Variants in MED12L observed in about 807,000 individuals in gnomAD.
MED12L encodes the protein mediator of RNA polymerase II transcription subunit 12-like protein.
Under a neutral mutation model 281.3 loss-of-function variants are expected in MED12L, and 60 were observed. That is an observed-to-expected ratio of 0.21 (90% CI 0.17 to 0.26). The LOEUF is 0.26. Ranked by LOEUF, MED12L falls within the 10% of genes least tolerant of loss-of-function variation. The pLI, the probability that MED12L is intolerant of heterozygous loss-of-function variation, is 1.00. For missense variants in MED12L, 2,146 were observed against 2,680.9 expected (o/e 0.80, Z 4.41); for synonymous variants, 974 against 987.2 (o/e 0.99, Z 0.25).
At chr3:151,419,580 T>G (rs1718011166) in intron 43 of MED12L, among the ~76,000 whole-genome samples, 1 of 152,004 alleles carries the variant, frequency 6.6e-6, no homozygotes, top group Non-Finnish European at 1.5e-5. Context: ...CGAGGATCAA[T>G]ACTTTGCATC....
At chr3:151,254,103 C>A (rs2149464861) in intron 16 of MED12L, among the ~76,000 whole-genome samples, 1 of 150,008 alleles carries the variant, frequency 6.7e-6, no homozygotes, top group South Asian at 2.1e-4. Flanking sequence ...AAATAGAAGT[C>A]CATACCCTTT....
At chr3:151,368,054 A>T in intron 24 of MED12L, 96 bp from the exon 25 acceptor site, 1 of 1,030,104 alleles carries the variant, frequency 9.7e-7, no homozygotes, top group Non-Finnish European at 1.4e-6. Context: ...AAATTTATTT[A>T]AATAATTATT....
In MED12L at chr3:151,435,681, C is replaced by T. The variant is rs190121363; in HGVS notation, c.*2877C>T. 2.6e-5 allele frequency: 4 copies of T among 152,032 alleles called. No homozygotes were observed. Among genetic ancestry groups the T allele is most frequent in the African/African-American group, 7.2e-5 (3 of 41,458 alleles). 9.4% of individuals were successfully genotyped at this position (152,032 alleles called of 1,614,324 possible). On this transcript the variant is annotated 3_prime_UTR_variant, in exon 45 of 45. Transcript: ENST00000687756. ...TGCTGGAGAAATTACACTGGAAAACCCCACCCCTAGATTTAGATAAGATCA... is the reference window on the plus strand; with the variant it reads ...TGCTGGAGAAATTACACTGGAAAACTCCACCCCTAGATTTAGATAAGATCA...
At chr3:151,306,646 C>T (rs939535270) in intron 16 of MED12L, among the ~76,000 whole-genome samples, 7 of 152,200 alleles carry the variant, frequency 4.6e-5, no homozygotes, top group Non-Finnish European at 1.0e-4. Context: ...TGGATCTTGG[C>T]ATGGGTGGGG....
At position 151,354,021 on chromosome 3, in the gene MED12L, G is replaced by A. The variant is rs1218163547; in HGVS notation, c.2399-1100G>A. 3.4e-5 allele frequency among the ~76,000 whole-genome samples: 5 copies of A among 146,904 alleles called. No individual in the cohort carries two copies. In the South Asian group the frequency reaches 1.1e-3, roughly 32 times the overall value. On this transcript the variant is annotated intron_variant, in intron 17 of 44. Coordinates refer to ENST00000687756, the MANE Select transcript of MED12L (RefSeq NM_001393769.1). ...CCGGGCGTAGTGGCGGGCGCCTGTAGTCCCAGCTACTTGGGAGGCTGAGGC... is the reference window on the plus strand; with the variant it reads ...CCGGGCGTAGTGGCGGGCGCCTGTAATCCCAGCTACTTGGGAGGCTGAGGC...
At position 151,394,641 on chromosome 3, in the gene MED12L, T is replaced by C. The variant is rs192910236; in HGVS notation, c.5609-15T>C. The stretch of plus-strand genomic sequence containing the variant: ...AACGTAGTTAGAAAGTGTTTCCTTT[T>C]GGTTGCTTTTGTAGGTGGCTCCAGA... On this transcript the variant is annotated splice_polypyrimidine_tract_variant and intron_variant, in intron 38 of 44. Transcript: ENST00000687756. 6,798 of 1,613,146 alleles carry C rather than the reference T, an allele frequency of 4.2e-3. 15 individuals carry two copies. Among genetic ancestry groups the C allele is most frequent in the Non-Finnish European group, 5.1e-3 (6,036 of 1,179,758 alleles).
chr3:151,267,806 A>T (rs1740123665), intron 16 of MED12L, among the ~76,000 whole-genome samples: 1 of 152,194 alleles, frequency 6.6e-6, no homozygotes, highest in Admixed American at 6.5e-5. Context: ...ATAAGAAAGG[A>T]ACCTTGCTAA....
At chr3:151,418,611 C>A (rs1354601089) in intron 43 of MED12L, among the ~76,000 whole-genome samples, 1 of 152,158 alleles carries the variant, frequency 6.6e-6, no homozygotes, top group African/African-American at 2.4e-5. Flanking sequence ...GTGTCCTTTT[C>A]AGTGTATGGC....
chr3:151,185,099 G>T (rs1283657867), intron 11 of MED12L, among the ~76,000 whole-genome samples: 1 of 152,120 alleles, frequency 6.6e-6, no homozygotes, highest in Non-Finnish European at 1.5e-5. Context: ...CCACAGGGAA[G>T]CTCTAATTCT....
rs199782328 is a variant in MED12L, at chr3:151,411,279, C to A, written c.5912C>A (p.Thr1971Asn). 9 of 1,613,646 alleles carry A rather than the reference C, an allele frequency of 5.6e-6. No homozygotes were observed. The highest frequency in any genetic ancestry group is 5.3e-5 in the African/African-American group (4 of 75,028). Residue 1971 changes from threonine to asparagine, a missense_variant and splice_region_variant, in exon 41 of 45, where the codon ACC (threonine) becomes AAC (asparagine). Physicochemically the swap from Thr to Asn is moderately conservative, Grantham distance 65. Transcript: ENST00000687756. ...PQYPGLQQAQ[T>N]MPQGYTMYGT... ...TTCTTCCCTTGTGCCTACCTGCAGACCATGCCACAGGGCTATACAATGTAT... is the reference window on the plus strand; with the variant it reads ...TTCTTCCCTTGTGCCTACCTGCAGAACATGCCACAGGGCTATACAATGTAT...
intron 43 of MED12L, among the ~76,000 whole-genome samples, chr3:151,420,281 CTG>C (rs1718089884): frequency 6.6e-6 from 1 of 152,190 alleles, no homozygotes; most frequent in Non-Finnish European, 1.5e-5. Flanking sequence ...CCAGCCAACA[CTG>C]TAACTCCCTT....
chr3:151,334,946 T>C (rs1281719903), intron 16 of MED12L, among the ~76,000 whole-genome samples: 1 of 152,234 alleles, frequency 6.6e-6, no homozygotes, highest in African/African-American at 2.4e-5. Context: ...TAAAACCTTA[T>C]TTATGGACAT....
Position 151,432,907 on chromosome 3 carries a change from T to C in MED12L, c.*103T>C. ...TAAAAATGTCCCTTTTTTTCATTTC[T>C]TTGACATTTTACTATATTTTATGCT... On this transcript the variant is annotated 3_prime_UTR_variant, in exon 45 of 45. Coordinates refer to ENST00000687756, the MANE Select transcript of MED12L (RefSeq NM_001393769.1). The C allele has an allele frequency of 1.2e-6, 1 of 864,432 alleles. No individual in the cohort carries two copies. Among genetic ancestry groups the C allele is most frequent in the Non-Finnish European group, 1.8e-6 (1 of 566,590 alleles). 53.5% of individuals were successfully genotyped at this position (864,432 alleles called of 1,614,324 possible).
chr3:151,204,328 A>G (rs892943747), intron 16 of MED12L, among the ~76,000 whole-genome samples: 13 of 152,220 alleles, frequency 8.5e-5, no homozygotes, highest in Admixed American at 4.6e-4. Context: ...AATGAGAAGT[A>G]TCTAGCTAGG....
At chr3:151,225,648 C>T (rs542766151) in intron 16 of MED12L, among the ~76,000 whole-genome samples, 16 of 152,232 alleles carry the variant, frequency 1.1e-4, no homozygotes, top group African/African-American at 3.4e-4. Flanking sequence ...CTGTCTCATC[C>T]GTGTTCTGCA....
chr3:151,391,179 T>C (rs1032500320), intron 38 of MED12L, among the ~76,000 whole-genome samples: 10 of 152,254 alleles, frequency 6.6e-5, no homozygotes, highest in African/African-American at 2.4e-4. Context: ...ATAAAGTTTA[T>C]GTTACACACA....
intron 16 of MED12L, among the ~76,000 whole-genome samples, chr3:151,301,967 CATT>C: frequency 6.6e-6 from 1 of 152,284 alleles, no homozygotes; most frequent in South Asian, 2.1e-4. Flanking sequence ...TTTATAACAG[CATT>C]ATTCATGATA....
chr3:151,160,015 A>C lies in MED12L; in HGVS notation c.1021A>C (p.Met341Leu). Reference protein sequence around the residue: ...APSPGPPGPGMSPVQLAFSDF... With the variant: ...APSPGPPGPGLSPVQLAFSDF... ...CAGCCCTGGCCCCCCCGGCCCTGGCATGAGCCCCGTGCAGCTGGCCTTCTC... is the reference window on the plus strand; with the variant it reads ...CAGCCCTGGCCCCCCCGGCCCTGGCCTGAGCCCCGTGCAGCTGGCCTTCTC... The change falls in exon 8 of 45, where the codon ATG becomes CTG. Residue 341 changes from methionine to leucine, a missense_variant. By Grantham distance (15) the Met-to-Leu change is conservative. Coordinates refer to ENST00000687756, the MANE Select transcript of MED12L (RefSeq NM_001393769.1). 6.2e-7 allele frequency: 1 copy of C among 1,614,146 alleles called. No individual in the cohort carries two copies. Among genetic ancestry groups the C allele is most frequent in the East Asian group, 2.2e-5 (1 of 44,888 alleles).
At chr3:151,145,375 T>C (rs760036940) in intron 5 of MED12L, among the ~76,000 whole-genome samples, 4 of 152,190 alleles carry the variant, frequency 2.6e-5, no homozygotes, top group Non-Finnish European at 4.4e-5. Context: ...ACACATTCTT[T>C]AAGGCATTGC....
Sources: gnomAD v4.1 joint callset for allele counts (sites outside exome capture counted in the v4.1 genomes callset) on GRCh38, gnomAD v4.1.1 for gene constraint, MANE v1.5 for transcripts, NCBI Gene and HGNC (gene_info 2026-07-23, HGNC 2026-07-21) for gene names.